The following CMSS1 variants were observed in gnomAD, a reference collection of about 807,000 sequenced individuals.
The protein encoded by CMSS1 is protein CMSS1.
A neutral mutation model predicts 43.5 loss-of-function variants in CMSS1; 33 were observed. The observed-to-expected ratio is 0.76, with a 90% CI of 0.57 to 1.01. CMSS1 has a LOEUF of 1.01. CMSS1 is among the 50% of genes least tolerant of loss of function. CMSS1 has a pLI of 0.00. For synonymous variants in CMSS1, 115 were observed against 117.2 expected (o/e 0.98, Z 0.12); for missense variants, 313 against 326.4 (o/e 0.96, Z 0.32).
chr3:100,041,576 A>G (rs1292214744), intron 1 of CMSS1, among the ~76,000 whole-genome samples: 3 of 152,204 alleles, frequency 2.0e-5, no homozygotes, highest in African/African-American at 4.8e-5. Context: ...AACTTAGCCA[A>G]ACTAAGGCTA....
At chr3:99,828,152 A>G (rs1326958457) in intron 1 of CMSS1, among the ~76,000 whole-genome samples, 11 of 151,722 alleles carry the variant, frequency 7.3e-5, no homozygotes, top group Non-Finnish European at 7.4e-5. Context: ...CTTCTTTTCA[A>G]CCTGTTTGGT....
intron 1 of CMSS1, among the ~76,000 whole-genome samples, chr3:99,983,460 G>A (rs12108111): frequency 0.045 from 3,088 of 68,088 alleles, 157 homozygotes; most frequent in African/African-American, 0.085. Flanking sequence ...ATATATATAT[G>A]TGTGTATATA....
At chr3:100,118,837 A>C (rs1241465398) in intron 1 of CMSS1, among the ~76,000 whole-genome samples, 2 of 152,220 alleles carry the variant, frequency 1.3e-5, no homozygotes. Flanking sequence ...TCCTACAGAT[A>C]ACTGAAAGAA....
At chr3:100,130,619 A>G (rs2066698883) in intron 1 of CMSS1, among the ~76,000 whole-genome samples, 1 of 152,202 alleles carries the variant, frequency 6.6e-6, no homozygotes, top group Non-Finnish European at 1.5e-5. Context: ...TAGAGTACGA[A>G]CTAGCAGACT....
chr3:100,148,265 G>A (rs1399994988), intron 2 of CMSS1, among the ~76,000 whole-genome samples: 2 of 152,076 alleles, frequency 1.3e-5, no homozygotes, highest in Non-Finnish European at 2.9e-5. Context: ...TTTTTGTAGA[G>A]ATGAGATCTC....
chr3:99,844,855 G>A (rs1479221672), intron 1 of CMSS1, among the ~76,000 whole-genome samples: 3 of 152,072 alleles, frequency 2.0e-5, no homozygotes, highest in East Asian at 1.9e-4. Flanking sequence ...GCACTCTCTC[G>A]CTCTCTTGCT....
chr3:99,948,510 G>A (rs573634733), intron 1 of CMSS1, among the ~76,000 whole-genome samples: 1 of 146,946 alleles, frequency 6.8e-6, no homozygotes, highest in South Asian at 2.3e-4. Context: ...TATCATCACT[G>A]CACTTCAGCC....
chr3:99,970,280 C>G (rs1054681151), intron 1 of CMSS1, among the ~76,000 whole-genome samples: 1 of 152,222 alleles, frequency 6.6e-6, no homozygotes, highest in Non-Finnish European at 1.5e-5. Flanking sequence ...GGCAGTCTGG[C>G]TTTAGAGGCT....
At chr3:100,130,906 G>A (rs2066701070) in intron 1 of CMSS1, among the ~76,000 whole-genome samples, 1 of 152,150 alleles carries the variant, frequency 6.6e-6, no homozygotes, top group Non-Finnish European at 1.5e-5. Flanking sequence ...TTAAGGGGTA[G>A]GTGAAATAAG....
At chr3:100,138,405 A>C (rs1024473760) in intron 1 of CMSS1, among the ~76,000 whole-genome samples, 21 of 152,202 alleles carry the variant, frequency 1.4e-4, no homozygotes, top group African/African-American at 5.1e-4. Flanking sequence ...GTGAACAGGC[A>C]ACCTATAGAT....
intron 1 of CMSS1, chr3:99,930,073 A>G (rs372210421): frequency 1.0e-5 from 15 of 1,488,136 alleles, no homozygotes; most frequent in East Asian, 2.4e-5. Context: ...TGTCTCTACC[A>G]GCAGTCTCAG....
At chr3:100,092,535 C>CTTGCATGTGTATATCTTGTAT (rs1488562899) in intron 1 of CMSS1, among the ~76,000 whole-genome samples, 6 of 151,432 alleles carry the variant, frequency 4.0e-5, no homozygotes, top group Non-Finnish European at 8.8e-5. Flanking sequence ...TTAAAATACC[C>CTTGCATGTGTATATCTTGTAT]TTGCATGTGT....
intron 1 of CMSS1, among the ~76,000 whole-genome samples, chr3:99,911,901 TTC>T (rs1284724953): frequency 6.6e-6 from 1 of 152,224 alleles, no homozygotes; most frequent in Non-Finnish European, 1.5e-5. Context: ...ATCCCCCATT[TTC>T]TCTCTTTTCA....
At chr3:99,914,364 T>C (rs1479661225) in intron 1 of CMSS1, among the ~76,000 whole-genome samples, 1 of 152,244 alleles carries the variant, frequency 6.6e-6, no homozygotes, top group Non-Finnish European at 1.5e-5. Flanking sequence ...ATACTGAAAT[T>C]ATATTGACAA....
chr3:99,981,567 C>T (rs1012278706), intron 1 of CMSS1, among the ~76,000 whole-genome samples: 2 of 152,024 alleles, frequency 1.3e-5, no homozygotes, highest in Admixed American at 1.3e-4. Context: ...TATCTATATA[C>T]CTATATACTA....
intron 1 of CMSS1, among the ~76,000 whole-genome samples, chr3:100,085,837 G>A (rs1343875230): frequency 3.3e-5 from 5 of 152,148 alleles, no homozygotes; most frequent in East Asian, 3.8e-4. Context: ...TGGAGACCTC[G>A]ACTAGCAGGA....
intron 1 of CMSS1, chr3:99,849,686 C>T: frequency 6.2e-7 from 1 of 1,613,502 alleles, no homozygotes; most frequent in South Asian, 1.1e-5. Flanking sequence ...CGTTCATTAG[C>T]ATACCTTCGT....
chr3:99,848,658 A>C, intron 1 of CMSS1: 1 of 1,614,216 alleles, frequency 6.2e-7, no homozygotes, highest in Non-Finnish European at 8.5e-7. Context: ...AACCAGTCAC[A>C]GCCAAAACCT....
At chr3:99,965,458 C>T (rs1296873121) in intron 1 of CMSS1, among the ~76,000 whole-genome samples, 3 of 152,188 alleles carry the variant, frequency 2.0e-5, no homozygotes, top group Non-Finnish European at 4.4e-5. Flanking sequence ...ACTGATTTTC[C>T]AGACCTTTGG....
Sources: gnomAD v4.1 joint callset for allele counts (sites outside exome capture counted in the v4.1 genomes callset) on GRCh38, gnomAD v4.1.1 for gene constraint, MANE v1.5 for transcripts, NCBI Gene and HGNC (gene_info 2026-07-23, HGNC 2026-07-21) for gene names.